The following SIPA1L3 variants were observed in gnomAD, a reference collection of about 807,000 sequenced individuals.
The protein encoded by SIPA1L3 is signal-induced proliferation-associated 1-like protein 3.
A neutral mutation model predicts 150.1 loss-of-function variants in SIPA1L3; 59 were observed. The observed-to-expected ratio is 0.39, with a 90% CI of 0.32 to 0.49. The LOEUF (loss-of-function observed/expected upper bound fraction) is 0.49. SIPA1L3 is among the 20% of genes least tolerant of loss of function. The pLI is 0.86. For synonymous variants in SIPA1L3, 1,070 were observed against 1,077.6 expected, an observed-to-expected ratio of 0.99 and a Z score of 0.14; for missense variants, 2,211 against 2,489.5, an observed-to-expected ratio of 0.89 and a Z score of 2.38.
intron 2 of SIPA1L3, among the ~76,000 whole-genome samples, chr19:38,076,733 G>A (rs1414858679): frequency 2.0e-5 from 3 of 152,284 alleles, no homozygotes; most frequent in Non-Finnish European, 2.9e-5. Context: ...ATGTGCCATC[G>A]ATGGAGATCT....
At chr19:37,934,136 C>G (rs1201805647) in intron 1 of SIPA1L3, among the ~76,000 whole-genome samples, 1 of 152,092 alleles carries the variant, frequency 6.6e-6, no homozygotes, top group Non-Finnish European at 1.5e-5. Context: ...TTTCTAGCTC[C>G]CGGTGTCAGC....
chr19:38,018,926 A>G (rs1968302549), intron 1 of SIPA1L3, among the ~76,000 whole-genome samples: 1 of 152,160 alleles, frequency 6.6e-6, no homozygotes. Context: ...AACATCTCAT[A>G]TATTTCTCAC....
At chr19:38,108,970 CAA>C (rs1356693595) in intron 7 of SIPA1L3, among the ~76,000 whole-genome samples, 1 of 151,440 alleles carries the variant, frequency 6.6e-6, no homozygotes, top group Non-Finnish European at 1.5e-5. Flanking sequence ...GCCTGGGCAA[CAA>C]GAGTGAAACT....
chr19:38,083,810 G>A (rs1176511592), intron 3 of SIPA1L3, among the ~76,000 whole-genome samples: 1 of 152,006 alleles, frequency 6.6e-6, no homozygotes, highest in African/African-American at 2.4e-5. Context: ...GGCCAACATG[G>A]TGAAACCGCA....
chr19:38,046,323 A>G lies in SIPA1L3; in HGVS notation c.-311+17167A>G, dbSNP rs542825238. ...ACCTGCTGCCCGCAAAGATGGCCTCATTTCCTCTCAGGCCCAGCGCTGCCA... is the reference window on the plus strand; with the variant it reads ...ACCTGCTGCCCGCAAAGATGGCCTCGTTTCCTCTCAGGCCCAGCGCTGCCA... On this transcript the variant is annotated intron_variant, in intron 2 of 21. Coordinates refer to ENST00000222345, the MANE Select transcript of SIPA1L3 (RefSeq NM_015073.3). This position sits in a 1 kb window ranked among gnomAD's most constrained non-coding sequence, Gnocchi z 5.6. Among the ~76,000 whole-genome samples the G allele has an allele frequency of 7.0e-4, 107 of 152,086 alleles. No homozygotes were observed. The highest frequency in any genetic ancestry group is 1.4e-3 in the Non-Finnish European group (94 of 67,978).
At chr19:38,175,581 C>T (rs1972418804) in intron 15 of SIPA1L3, among the ~76,000 whole-genome samples, 2 of 152,118 alleles carry the variant, frequency 1.3e-5, no homozygotes, top group African/African-American at 4.8e-5. Context: ...GCCTGCCCCT[C>T]CCCCGCTACC....
chr19:38,135,466 A>G (rs1198293100), intron 10 of SIPA1L3, among the ~76,000 whole-genome samples: 1 of 152,172 alleles, frequency 6.6e-6, no homozygotes, highest in Non-Finnish European at 1.5e-5. Flanking sequence ...CCTGGTGGCT[A>G]CGCTCCTCGA....
chr19:37,974,122 TG>T (rs1486175693), intron 1 of SIPA1L3, among the ~76,000 whole-genome samples: 1 of 152,186 alleles, frequency 6.6e-6, no homozygotes, highest in East Asian at 1.9e-4. Context: ...GAGCACTTCC[TG>T]GGTGCCTGGC....
chr19:38,007,198 A>G (rs1967964806), intron 1 of SIPA1L3, among the ~76,000 whole-genome samples: 2 of 152,324 alleles, frequency 1.3e-5, no homozygotes, highest in Admixed American at 6.5e-5. Flanking sequence ...GACGCCTGTA[A>G]TCTCAGCACT....
intron 1 of SIPA1L3, among the ~76,000 whole-genome samples, chr19:37,950,507 T>C (rs2046753534): frequency 6.6e-6 from 1 of 152,198 alleles, no homozygotes; most frequent in South Asian, 2.1e-4. Flanking sequence ...GATCATTGGA[T>C]GTACGTTTGT....
chr19:38,102,266 T>C (rs2569418), intron 6 of SIPA1L3, among the ~76,000 whole-genome samples: 18,668 of 144,000 alleles, frequency 0.13, 1,426 homozygotes, highest in African/African-American at 0.16. Context: ...AGGTTGGTCT[T>C]GAACTGCTGA....
chr19:38,082,488 G>T lies in SIPA1L3; in HGVS notation c.923G>T (p.Ser308Ile). The T allele has an allele frequency of 6.3e-7, 1 of 1,593,104 alleles. No individual in the cohort carries two copies. The stretch of plus-strand genomic sequence containing the variant: ...TCCATCTTTCGGAAGCTAAGGAGCA[G>T]CAAACCCGAGGGGGAGGCTGGGCGT... ...DSSIFRKLRS[S>I]KPEGEAGRSP... is the part of the protein sequence containing the mutation. Residue 308 changes from serine (S) to isoleucine (I), a missense_variant, in exon 3 of 22, where the codon AGC becomes ATC. This residue lies in a region of SIPA1L3 where 587 missense variants were observed against 534.5 expected (regional missense o/e 1.10). Coordinates refer to ENST00000222345, the MANE Select transcript of SIPA1L3 (RefSeq NM_015073.3).
At chr19:38,067,747 G>A (rs1969628337) in intron 2 of SIPA1L3, among the ~76,000 whole-genome samples, 1 of 150,276 alleles carries the variant, frequency 6.7e-6, no homozygotes, top group Non-Finnish European at 1.5e-5. Context: ...GGATGACAGA[G>A]TGAGACTCAG....
intron 1 of SIPA1L3, among the ~76,000 whole-genome samples, chr19:37,947,482 C>T (rs575487293): frequency 6.7e-6 from 1 of 149,700 alleles, no homozygotes; most frequent in Admixed American, 6.7e-5. Context: ...GAGTGAGACT[C>T]CATATCAAAA....
rs766372918 is a variant in SIPA1L3 at position 38,082,888 on chromosome 19, C to T, written c.1323C>T (p.Asn441=). ...AGATCGGGGGCGAGTGTGAGCGCAA[C>T]GTGAGCTTCTCCCGGGCTTCCGTGG... is the stretch of plus-strand genomic sequence containing the variant. ...RNEIGGECER[N]VSFSRASVGS... The change falls in exon 3 of 22, where the codon AAC becomes AAT. Residue 441 remains asparagine (N), a synonymous_variant. Coordinates refer to ENST00000222345, the MANE Select transcript of SIPA1L3 (RefSeq NM_015073.3). 1.2e-6 allele frequency: 2 copies of T among 1,613,470 alleles called. No homozygotes were observed. The highest frequency in any genetic ancestry group is 3.3e-5 in the Admixed American group (2 of 60,026).
chr19:38,126,725 G>C, intron 9 of SIPA1L3, among the ~76,000 whole-genome samples: 1 of 151,758 alleles, frequency 6.6e-6, no homozygotes, highest in East Asian at 2.0e-4. Context: ...TAGTAGAGAC[G>C]GGGTTTCACC....
At chr19:38,201,282 G>A (rs1330295100) in intron 19 of SIPA1L3, among the ~76,000 whole-genome samples, 5 of 152,204 alleles carry the variant, frequency 3.3e-5, no homozygotes, top group Non-Finnish European at 7.3e-5. Flanking sequence ...CAGCTCAGGT[G>A]CCCCCAGTGC....
At chr19:38,129,228 A>T (rs1227260183) in intron 9 of SIPA1L3, among the ~76,000 whole-genome samples, 2 of 152,166 alleles carry the variant, frequency 1.3e-5, no homozygotes, top group Admixed American at 1.3e-4. Flanking sequence ...TATCTCACCC[A>T]GTGAAGCAGG....
chr19:38,141,455 A>G lies in SIPA1L3; in HGVS notation c.3395+20A>G. 3 of 1,598,026 alleles carry G rather than the reference A, an allele frequency of 1.9e-6. No individual in the cohort carries two copies. The highest frequency in any genetic ancestry group is 1.7e-6 in the Non-Finnish European group (2 of 1,176,936). On this transcript the variant is annotated intron_variant, in intron 11 of 21. Transcript: ENST00000222345. ...CAAGAGGTAAGCACCTGCTGGGGGG[A>G]CCAATACTTCCCAACCCCCACCAGC...
Sources: gnomAD v4.1 joint callset for allele counts (sites outside exome capture counted in the v4.1 genomes callset) on GRCh38, gnomAD v4.1.1 for gene constraint, gnomAD v4.1.1 regional missense constraint, Gnocchi (gnomAD v3.1) non-coding constraint, MANE v1.5 for transcripts, NCBI Gene and HGNC (gene_info 2026-07-23, HGNC 2026-07-21) for gene names.